The following SYN2 variants were observed in gnomAD, a reference collection of about 807,000 sequenced individuals.
SYN2 encodes the protein synapsin-2.
Under a neutral mutation model 50.9 loss-of-function variants are expected in SYN2, and 19 were observed. The observed-to-expected ratio is 0.37, with a 90% CI of 0.26 to 0.55. The LOEUF (loss-of-function observed/expected upper bound fraction) is 0.55, where lower values mean the gene tolerates loss of function less well. Ranked by LOEUF, SYN2 falls within the 20% of genes least tolerant of loss-of-function variation. The probability of loss-of-function intolerance (pLI) is 0.81; values close to 1 mark genes in which losing one functional copy is unlikely to be tolerated. For synonymous variants in SYN2, 255 were observed against 224.9 expected (o/e 1.13, Z -1.20); for missense variants, 587 against 576.4 (o/e 1.02, Z -0.19).
intron 1 of SYN2, among the ~76,000 whole-genome samples, chr3:12,074,880 A>C (rs1479751911): frequency 6.6e-6 from 1 of 152,076 alleles, no homozygotes; most frequent in African/African-American, 2.4e-5. Context: ...GTTTCTCAAG[A>C]GGTGCAGCTT....
intron 1 of SYN2, among the ~76,000 whole-genome samples, chr3:12,022,278 G>A (rs888567321): frequency 6.6e-6 from 1 of 152,074 alleles, no homozygotes; most frequent in Admixed American, 6.5e-5. Flanking sequence ...ACACTGGATA[G>A]TCTCCTCCAA....
chr3:12,118,034 G>A (rs1696469884), intron 1 of SYN2, among the ~76,000 whole-genome samples: 1 of 152,186 alleles, frequency 6.6e-6, no homozygotes, highest in Non-Finnish European at 1.5e-5. Flanking sequence ...TAAAAAGGAA[G>A]ATGAGTGATG....
At chr3:12,110,772 G>A (rs1037881822) in intron 1 of SYN2, among the ~76,000 whole-genome samples, 1 of 152,222 alleles carries the variant, frequency 6.6e-6, no homozygotes. Flanking sequence ...CTGTATTTCA[G>A]ACTTGCATGG....
intron 1 of SYN2, among the ~76,000 whole-genome samples, chr3:12,015,443 T>C (rs922515760): frequency 1.3e-5 from 2 of 152,176 alleles, no homozygotes; most frequent in Non-Finnish European, 2.9e-5. Context: ...ATCAGTGACT[T>C]ATGAAAAAAA....
At chr3:12,098,557 C>A (rs1452252657) in intron 1 of SYN2, among the ~76,000 whole-genome samples, 1 of 151,532 alleles carries the variant, frequency 6.6e-6, no homozygotes. Context: ...AAGAAAGTAA[C>A]TTTTTAAAAA....
chr3:12,016,888 A>G (rs1299278456), intron 1 of SYN2, among the ~76,000 whole-genome samples: 1 of 152,152 alleles, frequency 6.6e-6, no homozygotes, highest in East Asian at 1.9e-4. Flanking sequence ...AGGCTAAATC[A>G]TCGATCTTCA....
rs11706942 is a variant in SYN2 at position 12,087,488 on chromosome 3, G to A, written c.378-53163G>A. 1.2e-3 allele frequency among the ~76,000 whole-genome samples: 185 copies of A among 152,210 alleles called. 1 individual carries two copies. Among genetic ancestry groups the A allele is most frequent in the Middle Eastern group, 6.8e-3 (2 of 294 alleles). On this transcript the variant is annotated intron_variant, in intron 1 of 12. Coordinates refer to ENST00000621198, the MANE Select transcript of SYN2 (RefSeq NM_133625.6). ...TTTTAAAGCTATCTTAATGAAAACA[G>A]CATGGTACCAGCATAAAAACAGACA... is the stretch of plus-strand genomic sequence containing the variant.
At position 12,187,426 on chromosome 3, in the gene SYN2, G is replaced by A. The variant is rs1016555715; in HGVS notation, c.1427G>A (p.Arg476Gln). The change falls in exon 12 of 13, where the codon CGG becomes CAG. Residue 476 changes from arginine (R) to glutamine (Q), a missense_variant. Arg to Gln is a conservative substitution (Grantham distance 43). Transcript: ENST00000621198. ...CCAGGCAAGGTGCTGCCTCCACGCCGGCTCCCCCCTGGACCATCACTGCCA... is the reference window on the plus strand; with the variant it reads ...CCAGGCAAGGTGCTGCCTCCACGCCAGCTCCCCCCTGGACCATCACTGCCA... ...QPPGKVLPPR[R>Q]LPPGPSLPPS... 11 of 1,551,878 alleles carry A rather than the reference G, an allele frequency of 7.1e-6. No homozygotes were observed. The highest frequency in any genetic ancestry group is 2.4e-5 in the South Asian group (2 of 84,068).
chr3:12,047,833 G>C (rs911699543), intron 1 of SYN2, among the ~76,000 whole-genome samples: 1 of 152,194 alleles, frequency 6.6e-6, no homozygotes, highest in Non-Finnish European at 1.5e-5. Context: ...GAGTTGTAAG[G>C]TGGCAGCATG....
chr3:12,094,912 G>A (rs1045043771), intron 1 of SYN2, among the ~76,000 whole-genome samples: 1 of 152,112 alleles, frequency 6.6e-6, no homozygotes, highest in African/African-American at 2.4e-5. Context: ...TGTTGAATAG[G>A]CAACTGAATT....
At chr3:12,063,180 A>G (rs1241081152) in intron 1 of SYN2, among the ~76,000 whole-genome samples, 2 of 151,980 alleles carry the variant, frequency 1.3e-5, no homozygotes, top group East Asian at 1.9e-4. Flanking sequence ...ACTATGCAAA[A>G]TCTATGGAAT....
chr3:12,183,862 G>A, intron 11 of SYN2: 1 of 1,022,740 alleles, frequency 9.8e-7, no homozygotes, highest in Non-Finnish European at 1.2e-6. Flanking sequence ...CCCAAGCTCA[G>A]TTAAATCCCC....
chr3:12,178,383 G>T (rs751933676), intron 10 of SYN2, among the ~76,000 whole-genome samples: 2 of 152,134 alleles, frequency 1.3e-5, no homozygotes, highest in Admixed American at 1.3e-4. Context: ...GGGACTTCAG[G>T]AGCTCCTTTC....
At position 12,099,465 on chromosome 3, in the gene SYN2, G is replaced by A. The variant is rs528537074; in HGVS notation, c.378-41186G>A. On this transcript the variant is annotated intron_variant, in intron 1 of 12. Coordinates refer to ENST00000621198, the MANE Select transcript of SYN2 (RefSeq NM_133625.6). ...AACAACACTCTTACACAACCAATGA[G>A]TCAAAGCAGGGAAGTTTGAAAATAC... Among the ~76,000 whole-genome samples, 14 of 152,252 alleles carry A rather than the reference G, an allele frequency of 9.2e-5. No homozygotes were observed. The East Asian group carries it at 2.5e-3, about 27-fold the overall frequency.
At chr3:12,071,314 C>T (rs1158030068) in intron 1 of SYN2, 1 of 567,704 alleles carries the variant, frequency 1.8e-6, no homozygotes, top group East Asian at 4.5e-5. Context: ...GATTAACAAG[C>T]AGGAGTACAA....
intron 1 of SYN2, among the ~76,000 whole-genome samples, chr3:12,111,084 A>G (rs750424661): frequency 3.3e-5 from 5 of 152,188 alleles, no homozygotes; most frequent in African/African-American, 7.2e-5. Context: ...CCCCACCCCA[A>G]TCTCATCTTC....
intron 11 of SYN2, 114 bp from the exon 12 acceptor site, chr3:12,187,255 G>A: frequency 7.2e-7 from 1 of 1,394,206 alleles, no homozygotes; most frequent in Non-Finnish European, 9.5e-7. Flanking sequence ...CAGCTTCTTG[G>A]AATAGAGCTT....
At chr3:12,158,629 T>C (rs1697533577) in intron 5 of SYN2, 2 of 1,584,486 alleles carry the variant, frequency 1.3e-6, no homozygotes, top group East Asian at 4.5e-5. Flanking sequence ...TCTGGACTCC[T>C]GGTGTACTGC....
At chr3:12,157,495 A>T in intron 5 of SYN2, 1 of 1,613,892 alleles carries the variant, frequency 6.2e-7, no homozygotes, top group Non-Finnish European at 8.5e-7. Flanking sequence ...GCATAGGAAG[A>T]GAAAAGAGGG....
Sources: allele counts gnomAD v4.1 joint callset (sites outside exome capture counted in the v4.1 genomes callset), GRCh38; gene constraint gnomAD v4.1.1; transcripts MANE v1.5; gene names NCBI Gene and HGNC (gene_info 2026-07-23, HGNC 2026-07-21).